GPC5: variants seen among roughly 807,000 people sequenced by gnomAD.
The protein encoded by GPC5 is glypican 5, also known as glypican-5.
A neutral mutation model predicts 53.9 loss-of-function variants in GPC5; 47 were observed. The ratio of observed to expected loss-of-function variants is 0.87; its 90% CI spans 0.69 to 1.11. GPC5 has a LOEUF of 1.11. GPC5 is among the 50% of genes most tolerant of loss of function. The pLI is 0.00. For missense variants in GPC5, 748 were observed against 713.1 expected, an observed-to-expected ratio of 1.05 and a Z score of -0.56; for synonymous variants, 286 against 263.3, an observed-to-expected ratio of 1.09 and a Z score of -0.84.
intron 5 of GPC5, among the ~76,000 whole-genome samples, chr13:91,869,843 G>C (rs931440162): frequency 1.8e-4 from 28 of 152,108 alleles, no homozygotes; most frequent in African/African-American, 6.8e-4. Flanking sequence ...CAGAGGGAGA[G>C]AGAGCAAAGG....
chr13:92,372,667 G>C (rs1433994589), intron 7 of GPC5, among the ~76,000 whole-genome samples: 1 of 152,088 alleles, frequency 6.6e-6, no homozygotes, highest in Non-Finnish European at 1.5e-5. Context: ...CCTTGACCTT[G>C]ATATATTTCT....
At chr13:92,532,729 A>G (rs1383434125) in intron 7 of GPC5, among the ~76,000 whole-genome samples, 2 of 152,180 alleles carry the variant, frequency 1.3e-5, no homozygotes, top group East Asian at 1.9e-4. Flanking sequence ...CTGGGGTTTC[A>G]GGTCCAAACC....
intron 6 of GPC5, among the ~76,000 whole-genome samples, chr13:91,981,450 C>T (rs1371492469): frequency 2.0e-5 from 3 of 152,118 alleles, no homozygotes; most frequent in African/African-American, 7.2e-5. Flanking sequence ...CCACTACGCC[C>T]GGCTAATTTT....
At chr13:91,496,651 G>A (rs529805289) in intron 2 of GPC5, among the ~76,000 whole-genome samples, 1 of 152,262 alleles carries the variant, frequency 6.6e-6, no homozygotes, top group South Asian at 2.1e-4. Flanking sequence ...GGGTGTTGGG[G>A]CTTGGTGGGG....
intron 3 of GPC5, among the ~76,000 whole-genome samples, chr13:91,718,286 A>G (rs2036389186): frequency 6.6e-6 from 1 of 151,818 alleles, no homozygotes; most frequent in South Asian, 2.1e-4. Flanking sequence ...AATTTTTTGT[A>G]TTTTTAGTAG....
At chr13:91,549,267 T>TA (rs35941677) in intron 2 of GPC5, among the ~76,000 whole-genome samples, 97,479 of 144,850 alleles carry the variant, frequency 0.67, 33,428 homozygotes, top group East Asian at 0.99. Flanking sequence ...AAGATTCCAT[T>TA]AAAAAAAAAA....
At chr13:92,186,382 A>C (rs2042183837) in intron 7 of GPC5, among the ~76,000 whole-genome samples, 1 of 151,982 alleles carries the variant, frequency 6.6e-6, no homozygotes, top group Non-Finnish European at 1.5e-5. Flanking sequence ...ACTGCAAGGG[A>C]AATCTTAATT....
chr13:92,383,135 A>G (rs1331426143), intron 7 of GPC5, among the ~76,000 whole-genome samples: 1 of 152,146 alleles, frequency 6.6e-6, no homozygotes, highest in East Asian at 1.9e-4. Context: ...TATGATAGTC[A>G]TTGTTCTCAC....
intron 4 of GPC5, among the ~76,000 whole-genome samples, chr13:91,756,042 C>A (rs1168782932): frequency 7.0e-6 from 1 of 143,190 alleles, no homozygotes; most frequent in African/African-American, 2.6e-5. Context: ...CCTTTTTATT[C>A]CAAGAATAAA....
At position 92,115,042 on chromosome 13, in the gene GPC5, A is replaced by AG. The variant is rs2041589423; in HGVS notation, c.1402-29787dup. Among the ~76,000 whole-genome samples the AG allele has an allele frequency of 5.9e-5, 9 of 152,344 alleles. 1 individual carries two copies. In the South Asian group the frequency reaches 1.9e-3, roughly 32 times the overall value. On this transcript the variant is annotated intron_variant, in intron 6 of 7. Coordinates refer to ENST00000377067, the MANE Select transcript of GPC5 (RefSeq NM_004466.6). ...TATATATTTTCCACAGAATTTGATT[A>AG]GTACTGATGTTATTTTTAGAATAAA... is the stretch of plus-strand genomic sequence containing the variant.
At chr13:92,579,310 C>CCTCCCTCCCTCCCTCTCTCT (rs1883300396) in intron 7 of GPC5, among the ~76,000 whole-genome samples, 1 of 108,234 alleles carries the variant, frequency 9.2e-6, no homozygotes, top group Non-Finnish European at 1.8e-5. Flanking sequence ...TCCCTCCCTC[C>CCTCCCTCCCTCCCTCTCTCT]CTCCCTCCCT....
Position 91,404,918 on chromosome 13 carries a change from T to C in GPC5, c.163+5709T>C, listed in dbSNP as rs533247958. 2.0e-5 allele frequency among the ~76,000 whole-genome samples: 3 copies of C among 152,376 alleles called. No individual in the cohort carries two copies. The South Asian group carries it at 6.2e-4, about 32-fold the overall frequency. On this transcript the variant is annotated intron_variant, in intron 1 of 7. Coordinates refer to ENST00000377067, the MANE Select transcript of GPC5 (RefSeq NM_004466.6). ...TTTTTTGAAAGAATATAGAATAATTTCCTTTTTGAAAAACATGGCTTTTCC... is the reference window on the plus strand; with the variant it reads ...TTTTTTGAAAGAATATAGAATAATTCCCTTTTTGAAAAACATGGCTTTTCC...
At chr13:92,170,021 GA>G (rs1308242209) in intron 7 of GPC5, among the ~76,000 whole-genome samples, 9 of 151,784 alleles carry the variant, frequency 5.9e-5, no homozygotes, top group African/African-American at 2.2e-4. Context: ...GAATAAACAG[GA>G]GAAATTTTAC....
chr13:92,391,127 C>T (rs1414899042), intron 7 of GPC5, among the ~76,000 whole-genome samples: 2 of 152,014 alleles, frequency 1.3e-5, no homozygotes, highest in Non-Finnish European at 2.9e-5. Context: ...TCACAAATCA[C>T]ATTTAGAAAA....
At chr13:91,530,763 A>G (rs1301670814) in intron 2 of GPC5, among the ~76,000 whole-genome samples, 1 of 152,174 alleles carries the variant, frequency 6.6e-6, no homozygotes, top group Admixed American at 6.5e-5. Context: ...GAATATTTAG[A>G]TTGCTTTTCT....
At chr13:92,825,753 T>C (rs149043578) in intron 7 of GPC5, among the ~76,000 whole-genome samples, 1 of 152,280 alleles carries the variant, frequency 6.6e-6, no homozygotes, top group African/African-American at 2.4e-5. Context: ...CATTGTTCTT[T>C]ATATGTCCTT....
At chr13:91,427,637 G>A (rs1051481100) in intron 1 of GPC5, among the ~76,000 whole-genome samples, 2 of 152,112 alleles carry the variant, frequency 1.3e-5, no homozygotes, top group African/African-American at 4.8e-5. Context: ...TTGGACTTTT[G>A]AGTTAATGCT....
chr13:92,164,855 A>T (rs1357462637), intron 7 of GPC5, among the ~76,000 whole-genome samples: 1 of 152,236 alleles, frequency 6.6e-6, no homozygotes, highest in Admixed American at 6.5e-5. Flanking sequence ...ATCTAGACAG[A>T]GGTTCCCAAA....
At chr13:91,995,946 C>T (rs147154285) in intron 6 of GPC5, 1 of 152,310 alleles carries the variant, frequency 6.6e-6, no homozygotes, top group Non-Finnish European at 1.5e-5. Context: ...GCTCTACCAC[C>T]TGCTAGAGGC....
Sources: allele counts gnomAD v4.1 joint callset (sites outside exome capture counted in the v4.1 genomes callset), GRCh38; gene constraint gnomAD v4.1.1; transcripts MANE v1.5; gene names NCBI Gene and HGNC (gene_info 2026-07-23, HGNC 2026-07-21).